The following ACER2 variants were observed in gnomAD, a reference collection of about 807,000 sequenced individuals.
ACER2 encodes the protein alkCDase 2.
A neutral mutation model predicts 34.7 loss-of-function variants in ACER2; 26 were observed. That is an observed-to-expected ratio of 0.75 (90% confidence interval 0.55 to 1.04). ACER2 has a LOEUF of 1.04. Ranked by LOEUF, ACER2 falls within the 50% of genes least tolerant of loss-of-function variation. ACER2 has a pLI of 0.00. For missense variants in ACER2, 352 were observed against 340.8 expected, an observed-to-expected ratio of 1.03 and a Z score of -0.26; for synonymous variants, 138 against 132.1, an observed-to-expected ratio of 1.04 and a Z score of -0.31.
chr9:19,424,554 G>T, intron 2 of ACER2, 146 bp from the exon 3 acceptor site: 2 of 1,472,096 alleles, frequency 1.4e-6, no homozygotes, highest in Admixed American at 2.7e-5. Context: ...TGGGTGGTGT[G>T]AGTTTCTTTC....
At chr9:19,433,063 A>G (rs559018623) in intron 3 of ACER2, among the ~76,000 whole-genome samples, 3 of 151,532 alleles carry the variant, frequency 2.0e-5, no homozygotes, top group African/African-American at 7.3e-5. Flanking sequence ...TACCATTCTC[A>G]TGGCCAAATA....
chr9:19,426,258 A>T (rs1830558034), intron 3 of ACER2, among the ~76,000 whole-genome samples: 2 of 147,686 alleles, frequency 1.4e-5, no homozygotes, highest in East Asian at 2.0e-4. Context: ...TAACACATTA[A>T]TCTCTTTCTT....
chr9:19,444,977 G>A (rs1033666150), intron 4 of ACER2, among the ~76,000 whole-genome samples: 2 of 152,198 alleles, frequency 1.3e-5, no homozygotes, highest in East Asian at 3.8e-4. Context: ...TTTGTGAAAG[G>A]CATCTGGGAA....
intron 1 of ACER2, among the ~76,000 whole-genome samples, chr9:19,411,787 G>A (rs546119976): frequency 1.3e-5 from 2 of 152,328 alleles, no homozygotes; most frequent in African/African-American, 4.8e-5. Flanking sequence ...GAGGGATCTA[G>A]AACCTTCTTA....
intron 3 of ACER2, among the ~76,000 whole-genome samples, chr9:19,425,511 A>C (rs1226188363): frequency 2.0e-5 from 3 of 152,266 alleles, no homozygotes; most frequent in African/African-American, 7.2e-5. Flanking sequence ...GGAATATCAC[A>C]GTAAACAAAA....
intron 1 of ACER2, among the ~76,000 whole-genome samples, chr9:19,415,678 G>A (rs1488752643): frequency 6.6e-6 from 1 of 152,130 alleles, no homozygotes; most frequent in Non-Finnish European, 1.5e-5. Context: ...ACCCAAGAAA[G>A]CCATTGCGGG....
At chr9:19,449,259 T>C (rs1317389813) in intron 5 of ACER2, among the ~76,000 whole-genome samples, 2 of 152,226 alleles carry the variant, frequency 1.3e-5, no homozygotes, top group Non-Finnish European at 2.9e-5. Flanking sequence ...CAGAGAATAA[T>C]ACATTGAACC....
At chr9:19,433,307 C>G (rs999320258) in intron 3 of ACER2, among the ~76,000 whole-genome samples, 1 of 151,830 alleles carries the variant, frequency 6.6e-6, no homozygotes, top group African/African-American at 2.4e-5. Context: ...TGCGGCCTTC[C>G]GCAGCGTTTG....
chr9:19,433,074 A>G (rs895952299), intron 3 of ACER2, among the ~76,000 whole-genome samples: 1 of 151,760 alleles, frequency 6.6e-6, no homozygotes, highest in African/African-American at 2.4e-5. Context: ...TGGCCAAATA[A>G]TTTTGAAAAT....
chr9:19,444,642 G>A (rs1306154053), intron 4 of ACER2, among the ~76,000 whole-genome samples: 1 of 152,224 alleles, frequency 6.6e-6, no homozygotes, highest in African/African-American at 2.4e-5. Context: ...TATAGTATCT[G>A]GCATTGTGTG....
intron 4 of ACER2, among the ~76,000 whole-genome samples, chr9:19,441,324 CAG>C (rs773660723): frequency 1.3e-5 from 2 of 152,140 alleles, no homozygotes; most frequent in Admixed American, 6.5e-5. Context: ...GCTGAGATTA[CAG>C]GCATGAGCCA....
chr9:19,435,395 G>T (rs1484137582), intron 4 of ACER2, among the ~76,000 whole-genome samples: 1 of 152,114 alleles, frequency 6.6e-6, no homozygotes, highest in African/African-American at 2.4e-5. Flanking sequence ...TCCTAGAAAG[G>T]TTATCGCATT....
At chr9:19,415,129 T>C (rs1029623939) in intron 1 of ACER2, among the ~76,000 whole-genome samples, 2 of 152,200 alleles carry the variant, frequency 1.3e-5, no homozygotes, top group African/African-American at 2.4e-5. Context: ...AATAATGTAA[T>C]TTCAGTATTA....
chr9:19,436,147 C>A (rs1830964380), intron 4 of ACER2, among the ~76,000 whole-genome samples: 1 of 151,690 alleles, frequency 6.6e-6, no homozygotes, highest in African/African-American at 2.4e-5. Context: ...AAACTCCTGG[C>A]CTCAAGCAGT....
At chr9:19,448,239 C>G in intron 5 of ACER2, among the ~76,000 whole-genome samples, 1 of 152,108 alleles carries the variant, frequency 6.6e-6, no homozygotes, top group Non-Finnish European at 1.5e-5. Flanking sequence ...TCAGAAACTC[C>G]TGGGCTCGAG....
chr9:19,440,379 A>T (rs1831117040), intron 4 of ACER2, among the ~76,000 whole-genome samples: 2 of 152,174 alleles, frequency 1.3e-5, no homozygotes, highest in Non-Finnish European at 2.9e-5. Context: ...TGAAATACTA[A>T]TTAATAAGGT....
chr9:19,413,998 A>G (rs1397960363), intron 1 of ACER2, among the ~76,000 whole-genome samples: 1 of 152,154 alleles, frequency 6.6e-6, no homozygotes, highest in African/African-American at 2.4e-5. Flanking sequence ...GCTATGATAG[A>G]GGTGTGTACA....
intron 4 of ACER2, among the ~76,000 whole-genome samples, chr9:19,439,344 C>CTTTTTT (rs55690063): frequency 1.7e-4 from 24 of 138,758 alleles, no homozygotes; most frequent in African/African-American, 6.1e-4. Context: ...AAGGGGCTTG[C>CTTTTTT]TTTTTTTTTT....
intron 1 of ACER2, 65 bp from the exon 2 acceptor site, chr9:19,423,797 G>T: frequency 8.3e-7 from 1 of 1,200,694 alleles, no homozygotes. Flanking sequence ...CTTGGAAGAG[G>T]CCACTTTATT....
Sources: allele counts gnomAD v4.1 joint callset (sites outside exome capture counted in the v4.1 genomes callset), GRCh38; gene constraint gnomAD v4.1.1; transcripts MANE v1.5; gene names NCBI Gene and HGNC (gene_info 2026-07-23, HGNC 2026-07-21).